Variants in CNTRL observed in about 807,000 individuals in gnomAD.
CNTRL encodes the protein centriolin.
Under a neutral mutation model 303.7 loss-of-function variants are expected in CNTRL, and 233 were observed. The ratio of observed to expected loss-of-function variants is 0.77; its 90% CI spans 0.69 to 0.86. The LOEUF (loss-of-function observed/expected upper bound fraction) is 0.86, where lower values mean the gene tolerates loss of function less well. CNTRL is among the 40% of genes least tolerant of loss of function. The probability of loss-of-function intolerance (pLI) is 0.00; values close to 1 mark genes in which losing one functional copy is unlikely to be tolerated. For missense variants in CNTRL, 2,524 were observed against 2,650.6 expected (o/e 0.95, Z 1.05); for synonymous variants, 900 against 922.2 (o/e 0.98, Z 0.44).
intron 24 of CNTRL, 140 bp from the exon 25 acceptor site, chr9:121,150,030 C>CT: frequency 1.7e-6 from 1 of 578,240 alleles, no homozygotes; most frequent in Non-Finnish European, 2.8e-6. Flanking sequence ...TAGTTTTGAC[C>CT]TTTTTTTCAG....
chr9:121,156,892 T>G (rs1355162157), intron 27 of CNTRL, among the ~76,000 whole-genome samples: 1 of 152,242 alleles, frequency 6.6e-6, no homozygotes, highest in East Asian at 1.9e-4. Flanking sequence ...ATAATAACTA[T>G]AGAGTGCAGC....
At chr9:121,120,386 T>G (rs1259235071) in intron 12 of CNTRL, among the ~76,000 whole-genome samples, 1 of 152,236 alleles carries the variant, frequency 6.6e-6, no homozygotes, top group East Asian at 1.9e-4. Flanking sequence ...CTTGATTATT[T>G]TAAATAATTT....
chr9:121,100,744 G>A (rs991609028), intron 7 of CNTRL, among the ~76,000 whole-genome samples: 1 of 152,080 alleles, frequency 6.6e-6, no homozygotes, highest in African/African-American at 2.4e-5. Context: ...AGCAAAAAAA[G>A]GCAGGGGTTG....
intron 40 of CNTRL, among the ~76,000 whole-genome samples, chr9:121,172,289 A>G (rs930399407): frequency 1.3e-5 from 2 of 152,238 alleles, no homozygotes; most frequent in East Asian, 1.9e-4. Context: ...ACTAAGCTCT[A>G]TATGGGGTAG....
At chr9:121,132,985 T>C (rs2050956183) in intron 14 of CNTRL, among the ~76,000 whole-genome samples, 1 of 152,198 alleles carries the variant, frequency 6.6e-6, no homozygotes, top group South Asian at 2.1e-4. Flanking sequence ...ACAGCAAATA[T>C]TGCTGCCTAA....
chr9:121,174,678 G>T (rs1235125880), intron 42 of CNTRL, among the ~76,000 whole-genome samples: 1 of 152,172 alleles, frequency 6.6e-6, no homozygotes, highest in African/African-American at 2.4e-5. Context: ...CACTCCAGTT[G>T]TCAAGTATAA....
intron 17 of CNTRL, 146 bp downstream of exon 17, chr9:121,140,932 C>G (rs934509275): frequency 1.3e-5 from 9 of 699,782 alleles, no homozygotes; most frequent in Non-Finnish European, 2.0e-5. Flanking sequence ...GTTTTCATGA[C>G]TGAGACAAAA....
chr9:121,125,749 A>C lies in CNTRL; in HGVS notation c.1838A>C (p.Asp613Ala). 1 of 1,614,176 alleles carries C rather than the reference A, an allele frequency of 6.2e-7. No homozygotes were observed. Among genetic ancestry groups the C allele is most frequent in the South Asian group, 1.1e-5 (1 of 91,082 alleles). Residue 613 changes from aspartate (D) to alanine (A), a missense_variant, in exon 14 of 44, where the codon GAT (aspartate) becomes GCT (alanine). Coordinates refer to ENST00000373855, the MANE Select transcript of CNTRL (RefSeq NM_007018.6). ...QIAANEALKK[D>A]LEGVISGLQE... ...GCAGCAAATGAAGCCCTGAAGAAGG[A>C]TTTAGAAGGTGTTATCAGTGGGTTG... is the stretch of plus-strand genomic sequence containing the variant.
intron 6 of CNTRL, among the ~76,000 whole-genome samples, chr9:121,097,906 T>G (rs2048960308): frequency 6.6e-6 from 1 of 152,234 alleles, no homozygotes; most frequent in African/African-American, 2.4e-5. Context: ...CTTTTTAGGT[T>G]GAGAATAAAC....
At chr9:121,139,975 G>A (rs1324772727) in intron 16 of CNTRL, among the ~76,000 whole-genome samples, 2 of 152,016 alleles carry the variant, frequency 1.3e-5, no homozygotes, top group Admixed American at 6.6e-5. Context: ...TGATTACTTG[G>A]CCAACTAACC....
At position 121,177,149 on chromosome 9, in the gene CNTRL, TTG is replaced by T. The variant is rs776200389; in HGVS notation, c.6955-12_6955-11del. ...TCAAGAATTTGATTTATCCTTCCTT[TTG>T]TCTTACTGTAGGAAAAGAATGCCTC... is the stretch of plus-strand genomic sequence containing the variant. On this transcript the variant is annotated splice_polypyrimidine_tract_variant and intron_variant, in intron 43 of 43. Coordinates refer to ENST00000373855, the MANE Select transcript of CNTRL (RefSeq NM_007018.6). 3 of 1,608,630 alleles carry T rather than the reference TTG, an allele frequency of 1.9e-6. No individual in the cohort carries two copies. Among genetic ancestry groups the T allele is most frequent in the East Asian group, 2.2e-5 (1 of 44,722 alleles).
chr9:121,175,369 T>C, intron 43 of CNTRL, 145 bp downstream of exon 43: 1 of 720,394 alleles, frequency 1.4e-6, no homozygotes, highest in Non-Finnish European at 2.4e-6. Context: ...CAGGCTCAAG[T>C]GATCCTCCCA....
In CNTRL at chr9:121,168,229, T is replaced by C. The variant is rs1353120001; in HGVS notation, c.5978T>C (p.Leu1993Pro). 8.1e-6 allele frequency: 13 copies of C among 1,613,950 alleles called. No individual in the cohort carries two copies. The highest frequency in any genetic ancestry group is 1.0e-5 in the Non-Finnish European group (12 of 1,180,022). The stretch of plus-strand genomic sequence containing the variant: ...CAGAAAAGCAAACTGGACCAAGTGC[T>C]CTCAAAGGTGCTGGCAGCTGAAGAG... Reference protein sequence around the residue: ...TDQKSKLDQVLSKVLAAEERV... With the variant: ...TDQKSKLDQVPSKVLAAEERV... Residue 1993 changes from leucine (L) to proline (P), a missense_variant, in exon 38 of 44, where the codon CTC becomes CCC. By Grantham distance (98) the Leu-to-Pro change is moderately conservative (BLOSUM62 -3). Coordinates refer to ENST00000373855, the MANE Select transcript of CNTRL (RefSeq NM_007018.6).
chr9:121,164,925 A>G lies in CNTRL; in HGVS notation c.5424-18A>G. 4.4e-6 allele frequency: 7 copies of G among 1,605,090 alleles called. No homozygotes were observed. The highest frequency in any genetic ancestry group is 6.0e-6 in the Non-Finnish European group (7 of 1,176,180). On this transcript the variant is annotated intron_variant, in intron 34 of 43. Coordinates refer to ENST00000373855, the MANE Select transcript of CNTRL (RefSeq NM_007018.6). ...GTGTGCTTGTATATTTGACAGTCTG[A>G]CTTACTCTCTGTGGTAGGGTTTTAG...
At chr9:121,126,829 G>GT (rs58013302) in intron 14 of CNTRL, among the ~76,000 whole-genome samples, 89,658 of 150,312 alleles carry the variant, frequency 0.6, 28,862 homozygotes, top group South Asian at 0.89. Flanking sequence ...GTTTGTTTTG[G>GT]TTTTTTTTTG....
rs201591823 is a variant in CNTRL at position 121,125,843 on chromosome 9, T to G, written c.1932T>G (p.Asp644Glu). The G allele has an allele frequency of 1.2e-4, 190 of 1,614,178 alleles. 1 individual carries two copies. In the East Asian group the frequency reaches 4.2e-3, roughly 36 times the overall value. Reference sequence around the variant, plus strand: ...AGAATGAGTGCAGGAAGCTGCGGGATGAGAAAGAGACATTGTTGCAGAGAT... The same window carrying G: ...AGAATGAGTGCAGGAAGCTGCGGGAGGAGAAAGAGACATTGTTGCAGAGAT... Reference protein sequence around the residue: ...QAQNECRKLRDEKETLLQRLT... With the variant: ...QAQNECRKLREEKETLLQRLT... Residue 644 changes from aspartate to glutamate, a missense_variant, in exon 14 of 44, where the codon GAT becomes GAG. Coordinates refer to ENST00000373855, the MANE Select transcript of CNTRL (RefSeq NM_007018.6).
chr9:121,128,718 T>C (rs1368563376), intron 14 of CNTRL, among the ~76,000 whole-genome samples: 1 of 152,110 alleles, frequency 6.6e-6, no homozygotes, highest in Non-Finnish European at 1.5e-5. Flanking sequence ...TCCTTGCCCA[T>C]GCCTATGTCC....
chr9:121,145,605 G>A (rs563156901), intron 22 of CNTRL, among the ~76,000 whole-genome samples: 91 of 152,254 alleles, frequency 6.0e-4, no homozygotes, highest in African/African-American at 2.1e-3. Flanking sequence ...TAAGAGTTTC[G>A]TATTTGTGGG....
intron 10 of CNTRL, 86 bp from the exon 11 acceptor site, chr9:121,115,005 T>A: frequency 1.2e-6 from 1 of 809,218 alleles, no homozygotes; most frequent in South Asian, 1.8e-5. Flanking sequence ...AGAAGGTTAT[T>A]ACAAAGAAAG....
Sources: gnomAD v4.1 joint callset for allele counts (sites outside exome capture counted in the v4.1 genomes callset) on GRCh38, gnomAD v4.1.1 for gene constraint, MANE v1.5 for transcripts, NCBI Gene and HGNC (gene_info 2026-07-23, HGNC 2026-07-21) for gene names.